The following COL5A3 variants were observed in gnomAD, a reference collection of about 807,000 sequenced individuals.
The protein encoded by COL5A3 is collagen alpha-3(V) chain.
In COL5A3, 172 loss-of-function variants were observed where a neutral mutation model predicts 250.0. The ratio of observed to expected loss-of-function variants is 0.69; its 90% CI spans 0.61 to 0.78. The LOEUF (loss-of-function observed/expected upper bound fraction) is 0.78, where lower values mean the gene tolerates loss of function less well. Among genes scored for constraint, COL5A3 ranks in the 30% least tolerant of loss-of-function variants. The pLI is 0.00. For missense variants in COL5A3, 2,340 were observed against 2,334.4 expected (o/e 1.00, Z -0.05); for synonymous variants, 937 against 900.4 (o/e 1.04, Z -0.73).
At position 9,996,188 on chromosome 19, in the gene COL5A3, C is replaced by T. The variant is rs146477316; in HGVS notation, c.1479+18G>A. ...ACTAATGCATGCACCGCCCCCTCCA[C>T]GCAGTCGCCTTACTCACCACAGGGC... On this transcript the variant is annotated intron_variant, in intron 14 of 66. Coordinates refer to ENST00000264828, the MANE Select transcript of COL5A3 (RefSeq NM_015719.4). 4.1e-4 allele frequency: 640 copies of T among 1,560,170 alleles called. 3 individuals are homozygous for T. The African/African-American group carries it at 7.9e-3, about 19-fold the overall frequency.
intron 56 of COL5A3, 62 bp from the exon 57 acceptor site, chr19:9,969,464 C>G (rs2277966): frequency 0.33 from 531,787 of 1,589,536 alleles, 95,720 homozygotes; most frequent in African/African-American, 0.69. Context: ...TGGACCCCCC[C>G]CCGACCATGC....
intron 32 of COL5A3, among the ~76,000 whole-genome samples, 192 bp downstream of exon 32, chr19:9,981,873 C>T (rs1398997119): frequency 1.3e-5 from 2 of 152,348 alleles, no homozygotes; most frequent in East Asian, 1.9e-4. Flanking sequence ...CATGTGCTTA[C>T]AGTCATATTC....
chr19:9,967,148 C>T (rs984071534), intron 62 of COL5A3, among the ~76,000 whole-genome samples, 199 bp downstream of exon 62: 1 of 152,020 alleles, frequency 6.6e-6, no homozygotes, highest in African/African-American at 2.4e-5. Context: ...CCATGGGTGT[C>T]CCCCCAAGTC....
In COL5A3 at chr19:10,005,812, T is replaced by C. The variant is rs768701451; in HGVS notation, c.421A>G (p.Asn141Asp). The change falls in exon 3 of 67, where the codon AAC (asparagine) becomes GAC (aspartate). Residue 141 changes from asparagine to aspartate, a missense_variant. Asn to Asp is a conservative substitution (Grantham distance 23). Transcript: ENST00000264828. ...CATGCTCACCTGCCATCTGTGAGGT[T>C]GACCTGCTGGGGGAGGGGGCGGAAG... is the stretch of plus-strand genomic sequence containing the variant. ...DPFRPLPQQV[N>D]LTDGRWHRVA... 2 of 1,611,810 alleles carry C rather than the reference T, an allele frequency of 1.2e-6. No individual in the cohort carries two copies. The highest frequency in any genetic ancestry group is 1.7e-6 in the Non-Finnish European group (2 of 1,178,700).
At position 9,969,358 on chromosome 19, in the gene COL5A3, A is replaced by G. The variant is rs149190698; in HGVS notation, c.4143T>C (p.Pro1381=). The G allele has an allele frequency of 1.4e-4, 232 of 1,600,154 alleles. 1 individual carries two copies. The African/African-American group carries it at 2.9e-3, about 20-fold the overall frequency. The change falls in exon 57 of 67, where the codon CCT becomes CCC. Residue 1381 remains proline, a synonymous_variant. Coordinates refer to ENST00000264828, the MANE Select transcript of COL5A3 (RefSeq NM_015719.4). The part of the protein sequence containing the change: ...LLGAPGQMGP[P]GPLGPSGLPG... ...TGAACAAGTCTCTTACCAGGGGGCCAGGAGGGCCCATCTGTCCAGGGGCTC... is the reference window on the plus strand; with the variant it reads ...TGAACAAGTCTCTTACCAGGGGGCCGGGAGGGCCCATCTGTCCAGGGGCTC...
rs765449693 is a variant in COL5A3, at chr19:9,998,132, T to C, written c.1128A>G (p.Gly376=). 13 of 1,613,534 alleles carry C rather than the reference T, an allele frequency of 8.1e-6. No individual in the cohort carries two copies. Among genetic ancestry groups the C allele is most frequent in the Non-Finnish European group, 1.1e-5 (13 of 1,179,908 alleles). ...FQIFPGAGEK[G]AKGEPAVIEK... ...CAATCACTGCGGGCTCTCCTTTTGCTCCTTTCTCTCCAGCACCCTGGGGTG... is the reference window on the plus strand; with the variant it reads ...CAATCACTGCGGGCTCTCCTTTTGCCCCTTTCTCTCCAGCACCCTGGGGTG... Residue 376 remains glycine, a synonymous_variant, in exon 9 of 67, where the codon GGA becomes GGG. Coordinates refer to ENST00000264828, the MANE Select transcript of COL5A3 (RefSeq NM_015719.4).
chr19:9,966,380 G>C lies in COL5A3; in HGVS notation c.4716C>G (p.Phe1572Leu). Residue 1572 changes from phenylalanine (F) to leucine (L), a missense_variant, in exon 64 of 67, where the codon TTC becomes TTG. Phe to Leu is a conservative substitution (Grantham distance 22). Coordinates refer to ENST00000264828, the MANE Select transcript of COL5A3 (RefSeq NM_015719.4). The part of the protein sequence containing the change: ...DPNQGCARDS[F>L]RVFCNFTAGG... The stretch of plus-strand genomic sequence containing the variant: ...CCGCCGTGAAGTTGCAAAAAACCCT[G>C]AACGAGTCCCGCGCGCAGCCCTGGT... 1 of 1,610,046 alleles carries C rather than the reference G, an allele frequency of 6.2e-7. No homozygotes were observed. Among genetic ancestry groups the C allele is most frequent in the East Asian group, 2.2e-5 (1 of 44,812 alleles).
chr19:9,977,429 G>A lies in COL5A3; in HGVS notation c.3170C>T (p.Pro1057Leu). Residue 1057 changes from proline (P) to leucine (L), a missense_variant, in exon 43 of 67, where the codon CCA (proline) becomes CTA (leucine). By Grantham distance (98) the Pro-to-Leu change is moderately conservative (BLOSUM62 -3). Coordinates refer to ENST00000264828, the MANE Select transcript of COL5A3 (RefSeq NM_015719.4). ...GGGTCCCAGAGGCCCCAGGGGCCCT[G>A]GGATCCCATCTTTGCCAGTGGGGCC... ...PPGPTGKDGI[P>L]GPLGPLGPPG... 6.5e-7 allele frequency: 1 copy of A among 1,526,736 alleles called. No individual in the cohort carries two copies. The highest frequency in any genetic ancestry group is 8.8e-7 in the Non-Finnish European group (1 of 1,139,250). 94.6% of individuals were successfully genotyped at this position (1,526,736 alleles called of 1,614,324 possible).
chr19:10,009,161 G>GGTT lies in COL5A3; in HGVS notation c.88+1136_88+1137insAAC, dbSNP rs570427193. On this transcript the variant is annotated intron_variant, in intron 1 of 66. Coordinates refer to ENST00000264828, the MANE Select transcript of COL5A3 (RefSeq NM_015719.4). This position sits in a 1 kb window ranked among gnomAD's most constrained non-coding sequence, Gnocchi z 4.4. ...GACTCCAAAGTAAGAAGTGTGCTGT[G>GGTT]GTGTGTGTGTGTGTGTGTGTGTGTG... Among the ~76,000 whole-genome samples, 3,576 of 140,428 alleles carry GGTT rather than the reference G, an allele frequency of 0.025. 65 individuals carry two copies. The highest frequency in any genetic ancestry group is 0.05 in the South Asian group (210 of 4,198). The allele number at this position is 140,428 out of a possible 152,430, so 92.1% of individuals were successfully genotyped here.
chr19:10,010,203 C>G, intron 1 of COL5A3, 95 bp downstream of exon 1: 133 of 548,914 alleles, frequency 2.4e-4, no homozygotes, highest in Non-Finnish European at 3.3e-4. Flanking sequence ...CCACGCCCTT[C>G]CCCTCCACGC....
chr19:10,005,176 T>C (rs2087424144), intron 4 of COL5A3, among the ~76,000 whole-genome samples: 1 of 151,940 alleles, frequency 6.6e-6, no homozygotes, highest in Non-Finnish European at 1.5e-5. Context: ...GGCCAACGTG[T>C]CAAAACCTTG....
intron 4 of COL5A3, among the ~76,000 whole-genome samples, chr19:10,004,515 A>G (rs12459949): frequency 0.17 from 25,112 of 152,138 alleles, 2,229 homozygotes; most frequent in South Asian, 0.22. Context: ...ATTTTTAGTA[A>G]AGACAAGGTT....
rs2087273885 is a variant in COL5A3 at position 9,996,443 on chromosome 19, T to C, written c.1412A>G (p.Gln471Arg). ...ACACCTCCCACTCACCTGAGTCTGC[T>C]GCAGAACTGCCTGAGCCTGGGCCTG... Reference protein sequence around the residue: ...FQQAQAQAVLQQTQLSMKGPP... With the variant: ...FQQAQAQAVLRQTQLSMKGPP... The change falls in exon 13 of 67, where the codon CAG becomes CGG. Residue 471 changes from glutamine (Q) to arginine (R), a missense_variant. Transcript: ENST00000264828. 1 of 1,613,990 alleles carries C rather than the reference T, an allele frequency of 6.2e-7. No homozygotes were observed. Among genetic ancestry groups the C allele is most frequent in the African/African-American group, 1.3e-5 (1 of 75,030 alleles).
At chr19:10,004,288 A>G (rs2087408408) in intron 4 of COL5A3, 143 bp from the exon 5 acceptor site, 1 of 638,150 alleles carries the variant, frequency 1.6e-6, no homozygotes, top group South Asian at 1.8e-5. Flanking sequence ...AGTATAAGGA[A>G]GAGATGACCC....
chr19:9,996,721 A>G, intron 11 of COL5A3, 32 bp from the exon 12 acceptor site: 2 of 1,557,698 alleles, frequency 1.3e-6, no homozygotes, highest in Non-Finnish European at 1.7e-6. Context: ...AGAGGTGGAG[A>G]CAGGGAGAGA....
chr19:10,004,065 G>A lies in COL5A3; in HGVS notation c.675C>T (p.Asp225=). Residue 225 remains aspartate (D), a synonymous_variant, in exon 5 of 67, where the codon GAC becomes GAT. Coordinates refer to ENST00000264828, the MANE Select transcript of COL5A3 (RefSeq NM_015719.4). ...CCACTGTGGCTGCCGGTGCCAGGTT[G>A]TCACAGTCGGGGAGGTACCGCTCAC... ...QACERYLPDC[D]NLAPAATVAP... The A allele has an allele frequency of 6.2e-7, 1 of 1,613,992 alleles. No individual in the cohort carries two copies. Among genetic ancestry groups the A allele is most frequent in the Non-Finnish European group, 8.5e-7 (1 of 1,179,896 alleles).
intron 37 of COL5A3, 112 bp downstream of exon 37, chr19:9,979,727 A>C: frequency 1.9e-6 from 2 of 1,027,226 alleles, no homozygotes; most frequent in South Asian, 1.6e-5. Context: ...CAAAGGTTGC[A>C]GTGAGCCGAG....
At chr19:9,979,503 G>A (rs971544899) in intron 37 of COL5A3, 86 bp from the exon 38 acceptor site, 121 of 1,435,250 alleles carry the variant, frequency 8.4e-5, no homozygotes, top group Non-Finnish European at 1.1e-4. Context: ...ATAGGATCAG[G>A]AATCTGGCCG....
rs576119335 is a variant in COL5A3 at position 10,000,452 on chromosome 19, C to CTTTTTT, written c.1110+1066_1110+1071dup. On this transcript the variant is annotated intron_variant, in intron 8 of 66. Transcript: ENST00000264828. ...TGTGCCATTCAGCAGCCAGAGAGCT[C>CTTTTTT]TTTTTTTTTTTTTTTTTTTTTTTTT... 1.3e-3 allele frequency among the ~76,000 whole-genome samples: 82 copies of CTTTTTT among 62,796 alleles called. 11 individuals carry two copies. The highest frequency in any genetic ancestry group is 1.9e-3 in the Non-Finnish European group (67 of 34,590). The allele number at this position is 62,796 out of a possible 152,430, so 41.2% of individuals were successfully genotyped here. A position where few individuals can be genotyped will look rare whatever the true frequency, so the allele number is the denominator to read the frequency against.
Sources: allele counts gnomAD v4.1 joint callset (sites outside exome capture counted in the v4.1 genomes callset), GRCh38; gene constraint gnomAD v4.1.1; non-coding constraint Gnocchi (gnomAD v3.1); transcripts MANE v1.5; gene names NCBI Gene and HGNC (gene_info 2026-07-23, HGNC 2026-07-21).